ABCC10: variants seen among roughly 807,000 people sequenced by gnomAD.
ABCC10 encodes the protein ATP-binding cassette sub-family C member 10.
Under a neutral mutation model 143.2 loss-of-function variants are expected in ABCC10, and 110 were observed. The observed-to-expected ratio is 0.77, with a 90% CI of 0.66 to 0.90. The LOEUF (loss-of-function observed/expected upper bound fraction) is 0.90, where lower values mean the gene tolerates loss of function less well. Among genes scored for constraint, ABCC10 ranks in the 40% least tolerant of loss-of-function variants. The pLI is 0.00. For missense variants in ABCC10, 1,700 were observed against 1,900.5 expected, an observed-to-expected ratio of 0.89 and a Z score of 1.96; for synonymous variants, 805 against 846.7, an observed-to-expected ratio of 0.95 and a Z score of 0.85.
chr6:43,437,803 T>C (rs1554203722), intron 6 of ABCC10, 131 bp from the exon 7 acceptor site: 1 of 847,346 alleles, frequency 1.2e-6, no homozygotes, highest in Non-Finnish European at 1.9e-6. Flanking sequence ...ATTCTTTCCC[T>C]ACACACTAAA....
Position 43,438,802 on chromosome 6 carries a change from G to A in ABCC10, c.2127+7G>A. 1 of 1,613,720 alleles carries A rather than the reference G, an allele frequency of 6.2e-7. No individual in the cohort carries two copies. The highest frequency in any genetic ancestry group is 8.5e-7 in the Non-Finnish European group (1 of 1,179,660). On this transcript the variant is annotated splice_region_variant and intron_variant, in intron 8 of 21. Coordinates refer to ENST00000372530, the MANE Select transcript of ABCC10 (RefSeq NM_001198934.2). The stretch of plus-strand genomic sequence containing the variant: ...CCTCAATGATGACCTCAGTGTGAGT[G>A]CCTGGCCTTGAAACCTCTTAGCTGC...
At chr6:43,444,096 A>C in intron 11 of ABCC10, 63 bp from the exon 12 acceptor site, 1 of 1,610,208 alleles carries the variant, frequency 6.2e-7, no homozygotes, top group Admixed American at 1.7e-5. Context: ...GCTCCTCTGA[A>C]ATACTGAGTT....
At chr6:43,433,514 C>G (rs1330482606) in intron 3 of ABCC10, among the ~76,000 whole-genome samples, 154 bp downstream of exon 3, 1 of 152,192 alleles carries the variant, frequency 6.6e-6, no homozygotes, top group African/African-American at 2.4e-5. Context: ...AATCCTGGCT[C>G]TACACTTACT....
intron 2 of ABCC10, among the ~76,000 whole-genome samples, chr6:43,429,429 T>C (rs1581693355): frequency 1.7e-5 from 2 of 118,382 alleles, no homozygotes; most frequent in African/African-American, 6.7e-5. Context: ...GAGGGGGGAT[T>C]GTTATTGTTG....
intron 8 of ABCC10, among the ~76,000 whole-genome samples, chr6:43,440,214 C>T (rs1280268138): frequency 6.6e-6 from 1 of 152,100 alleles, no homozygotes; most frequent in Non-Finnish European, 1.5e-5. Context: ...GCCTTGGCCT[C>T]CCAAAGTGCT....
At chr6:43,448,421 T>A (rs1783367347) in intron 18 of ABCC10, among the ~76,000 whole-genome samples, 1 of 152,198 alleles carries the variant, frequency 6.6e-6, no homozygotes, top group African/African-American at 2.4e-5. Context: ...TAGGCCTGCC[T>A]CTTCTGCCTT....
chr6:43,437,937 A>G lies in ABCC10; in HGVS notation c.1879A>G (p.Met627Val). Residue 627 changes from methionine to valine, a missense_variant, in exon 7 of 22, where the codon ATG (methionine) becomes GTG (valine). By Grantham distance (21) the Met-to-Val change is conservative. Transcript: ENST00000372530. ...FISHLEVKKG[M>V]LVGIVGKVGC... ...TGCTTGTGTGGCTTCCTTGCAGGGT[A>G]TGCTGGTGGGCATCGTGGGGAAGGT... 6.2e-7 allele frequency: 1 copy of G among 1,612,664 alleles called. No individual in the cohort carries two copies. Among genetic ancestry groups the G allele is most frequent in the Non-Finnish European group, 8.5e-7 (1 of 1,179,550 alleles).
chr6:43,448,190 T>A (rs1783331848), intron 18 of ABCC10: 2 of 628,008 alleles, frequency 3.2e-6, no homozygotes, highest in South Asian at 3.2e-5. Flanking sequence ...TTGTACTTCC[T>A]ACCATACACC....
downstream of ABCC10, chr6:43,451,912 CCACTCACCCTGAGGGCCCAG>C (rs1460401130): frequency 3.3e-5 from 53 of 1,612,876 alleles, no homozygotes; most frequent in Non-Finnish European, 4.4e-5. This position sits in a 1 kb window ranked among gnomAD's most constrained non-coding sequence, Gnocchi z 4.4. Flanking sequence ...GTCTAACCTT[CCACTCACCCTGAGGGCCCAG>C]CACTCACCCT....
chr6:43,449,985 T>C lies in ABCC10; in HGVS notation c.4373T>C (p.Val1458Ala). 1 of 1,613,814 alleles carries C rather than the reference T, an allele frequency of 6.2e-7. No individual in the cohort carries two copies. Among genetic ancestry groups the C allele is most frequent in the East Asian group, 2.2e-5 (1 of 44,870 alleles). The change falls in exon 22 of 22, where the codon GTA becomes GCA. Residue 1458 changes from valine to alanine, a missense_variant. By Grantham distance (64) the Val-to-Ala change is moderately conservative (BLOSUM62 0). Coordinates refer to ENST00000372530, the MANE Select transcript of ABCC10 (RefSeq NM_001198934.2). ...CTGGTGCTACAAGCGGGGAGAGTGGTAGAGCTGGACTCCCCGGCCACCCTG... is the reference window on the plus strand; with the variant it reads ...CTGGTGCTACAAGCGGGGAGAGTGGCAGAGCTGGACTCCCCGGCCACCCTG... ...RVLVLQAGRV[V>A]ELDSPATLRN...
At chr6:43,447,997 A>G (rs757074240) in intron 18 of ABCC10, 60 bp downstream of exon 18, 38 of 1,597,366 alleles carry the variant, frequency 2.4e-5, no homozygotes, top group Non-Finnish European at 3.0e-5. Flanking sequence ...CACTTAGAGG[A>G]GGGCATAGCC....
At chr6:43,431,210 T>G (rs1781085804) in intron 2 of ABCC10, among the ~76,000 whole-genome samples, 1 of 152,186 alleles carries the variant, frequency 6.6e-6, no homozygotes, top group South Asian at 2.1e-4. Flanking sequence ...TTTATAAAGT[T>G]TAGGCTACCA....
chr6:43,435,319 T>C (rs1433551239), intron 4 of ABCC10, among the ~76,000 whole-genome samples: 1 of 152,150 alleles, frequency 6.6e-6, no homozygotes, highest in African/African-American at 2.4e-5. Flanking sequence ...GATCACCTGA[T>C]GTCAGGAGTT....
intron 6 of ABCC10, 78 bp from the exon 7 acceptor site, chr6:43,437,856 A>C (rs1781920163): frequency 7.0e-7 from 1 of 1,430,492 alleles, no homozygotes; most frequent in South Asian, 1.2e-5. Context: ...CTGGCAGCCC[A>C]GAGTGTCAAG....
At chr6:43,450,919 T>G, downstream of ABCC10, 2 of 1,614,022 alleles carry the variant, frequency 1.2e-6, no homozygotes, top group Non-Finnish European at 8.5e-7. The surrounding 1 kb of genome is among the most constrained non-coding windows in gnomAD (Gnocchi z 4.5). Flanking sequence ...TCCACTGTGG[T>G]TGGGGGGTCT....
intron 16 of ABCC10, 85 bp downstream of exon 16, chr6:43,446,531 C>T (rs1348601599): frequency 1.1e-5 from 16 of 1,483,168 alleles, no homozygotes; most frequent in Non-Finnish European, 1.4e-5. Flanking sequence ...ATCCCCCCAA[C>T]ATTTTCACCT....
chr6:43,447,128 G>T lies in ABCC10; in HGVS notation c.3545-120G>T, dbSNP rs1783178331. 3.0e-6 allele frequency: 4 copies of T among 1,325,066 alleles called. No individual in the cohort carries two copies. In the Admixed American group the frequency reaches 6.6e-5, roughly 22 times the overall value. The allele number at this position is 1,325,066 out of a possible 1,614,324, so 82.1% of individuals were successfully genotyped here. On this transcript the variant is annotated intron_variant, in intron 16 of 21. Coordinates refer to ENST00000372530, the MANE Select transcript of ABCC10 (RefSeq NM_001198934.2). ...CCCAAAGTGCTGGAATTACAGGCGT[G>T]AGCCACCGCGCCCAGCCTCTGTTGC... is the stretch of plus-strand genomic sequence containing the variant.
At position 43,443,684 on chromosome 6, in the gene ABCC10, CCT is replaced by C. The variant is rs1314395008; in HGVS notation, c.2417-244_2417-243del. 8 of 478,434 alleles carry C rather than the reference CCT, an allele frequency of 1.7e-5. No individual in the cohort carries two copies. The highest frequency in any genetic ancestry group is 2.9e-5 in the South Asian group (1 of 34,202). 29.6% of individuals were successfully genotyped at this position (478,434 alleles called of 1,614,324 possible). Reference sequence around the variant, plus strand: ...GTCCTCTTGGGGATGGACATTCGTCCCTCTCTGCTGGTCGGAATCAAGGTTTA... The same window carrying C: ...GTCCTCTTGGGGATGGACATTCGTCCCTCTGCTGGTCGGAATCAAGGTTTA... On this transcript the variant is annotated intron_variant, in intron 10 of 21. Coordinates refer to ENST00000372530, the MANE Select transcript of ABCC10 (RefSeq NM_001198934.2). The surrounding 1 kb of genome is among the most constrained non-coding windows in gnomAD (Gnocchi z 4.2).
chr6:43,444,655 A>C (rs369948132), intron 12 of ABCC10, 133 bp from the exon 13 acceptor site: 1 of 1,296,790 alleles, frequency 7.7e-7, no homozygotes. Context: ...GGGTAGTGGC[A>C]GGGTGGGGAG....
Sources: gnomAD v4.1 joint callset for allele counts (sites outside exome capture counted in the v4.1 genomes callset) on GRCh38, gnomAD v4.1.1 for gene constraint, Gnocchi (gnomAD v3.1) non-coding constraint, MANE v1.5 for transcripts, NCBI Gene and HGNC (gene_info 2026-07-23, HGNC 2026-07-21) for gene names.